Variants in CEMIP observed in about 807,000 individuals in gnomAD.
The protein encoded by CEMIP is cell migration-inducing and hyaluronan-binding protein.
In CEMIP, 105 loss-of-function variants were observed where a neutral mutation model predicts 156.9. The ratio of observed to expected loss-of-function variants is 0.67; its 90% CI spans 0.57 to 0.79. The LOEUF is 0.79. Ranked by LOEUF, CEMIP falls within the 30% of genes least tolerant of loss-of-function variation. The probability of loss-of-function intolerance (pLI) is 0.00; values close to 1 mark genes in which losing one functional copy is unlikely to be tolerated. For synonymous variants in CEMIP, 676 were observed against 668.4 expected (o/e 1.01, Z -0.17); for missense variants, 1,457 against 1,769.4 (o/e 0.82, Z 3.17).
chr15:80,810,514 C>T (rs1406725793), intron 1 of CEMIP, among the ~76,000 whole-genome samples: 3 of 152,144 alleles, frequency 2.0e-5, no homozygotes. Flanking sequence ...ACTACAGGCG[C>T]CCTCCACTGC....
chr15:80,929,195 C>T (rs1326041153), intron 21 of CEMIP, 21 bp downstream of exon 21: 1 of 1,614,014 alleles, frequency 6.2e-7, no homozygotes, highest in African/African-American at 1.3e-5. Flanking sequence ...AACCATGTAG[C>T]TCCTTATTCT....
At chr15:80,871,310 T>G (rs1330246175) in intron 1 of CEMIP, among the ~76,000 whole-genome samples, 2 of 152,212 alleles carry the variant, frequency 1.3e-5, no homozygotes, top group Non-Finnish European at 2.9e-5. Flanking sequence ...CCCAGTGGCT[T>G]AGACAGCTGG....
At position 80,874,067 on chromosome 15, in the gene CEMIP, G is replaced by GAGC; in HGVS notation, c.94+95_94+97dup. ...CTGCTTTTGGGGGAGCCAGGAGAAGGAGCCGTGGGAGTGGGTCAGGGTGCC... is the reference window on the plus strand; with the variant it reads ...CTGCTTTTGGGGGAGCCAGGAGAAGGAGCAGCCGTGGGAGTGGGTCAGGGTGCC... On this transcript the variant is annotated intron_variant, in intron 3 of 29. Coordinates refer to ENST00000394685, the MANE Select transcript of CEMIP (RefSeq NM_001293298.2). The GAGC allele has an allele frequency of 2.5e-6, 3 of 1,196,796 alleles. No individual in the cohort carries two copies. In the South Asian group the frequency reaches 3.9e-5, roughly 16 times the overall value. 74.1% of individuals were successfully genotyped at this position (1,196,796 alleles called of 1,614,324 possible).
At chr15:80,880,058 G>A (rs1452875161) in intron 5 of CEMIP, among the ~76,000 whole-genome samples, 2 of 152,212 alleles carry the variant, frequency 1.3e-5, no homozygotes, top group Non-Finnish European at 2.9e-5. Context: ...TAGTGGCCTG[G>A]ATGCTGTACT....
intron 3 of CEMIP, among the ~76,000 whole-genome samples, chr15:80,876,297 T>C (rs1898474868): frequency 6.6e-6 from 1 of 152,146 alleles, no homozygotes; most frequent in Non-Finnish European, 1.5e-5. Flanking sequence ...AAACCAGCAG[T>C]GGGTTTCACA....
At chr15:80,779,802 A>G (rs1372445113) in intron 1 of CEMIP, among the ~76,000 whole-genome samples, 188 bp downstream of exon 1, 1 of 152,136 alleles carries the variant, frequency 6.6e-6, no homozygotes, top group African/African-American at 2.4e-5. Context: ...GCGTCTGTTG[A>G]TGGGCACACG....
chr15:80,889,614 T>C (rs750796616), intron 10 of CEMIP, 22 bp downstream of exon 10: 29 of 1,613,308 alleles, frequency 1.8e-5, no homozygotes, highest in Non-Finnish European at 2.4e-5. Flanking sequence ...ACAGCAAAAA[T>C]AGAAAATAGA....
At chr15:80,876,332 G>C (rs1033016249) in intron 3 of CEMIP, among the ~76,000 whole-genome samples, 2 of 152,150 alleles carry the variant, frequency 1.3e-5, no homozygotes, top group Non-Finnish European at 2.9e-5. Flanking sequence ...ACCATCCTTG[G>C]CTGCTCAGTA....
chr15:80,781,790 T>C (rs1895805368), intron 1 of CEMIP, among the ~76,000 whole-genome samples: 1 of 152,206 alleles, frequency 6.6e-6, no homozygotes, highest in African/African-American at 2.4e-5. Flanking sequence ...ATTACAGTAA[T>C]TGGTACAATG....
rs946215803 is a variant in CEMIP, at chr15:80,840,614, G to A, written c.-175-32924G>A. On this transcript the variant is annotated intron_variant, in intron 1 of 29. Coordinates refer to ENST00000394685, the MANE Select transcript of CEMIP (RefSeq NM_001293298.2). The stretch of plus-strand genomic sequence containing the variant: ...TGAAGAAGTAAACAGGCCCGTGCAG[G>A]GGGAAACTGCAGGGGCCACACTGCT... Among the ~76,000 whole-genome samples, 11 of 152,310 alleles carry A rather than the reference G, an allele frequency of 7.2e-5. No homozygotes were observed. The East Asian group carries it at 7.7e-4, about 11-fold the overall frequency.
At chr15:80,806,987 C>A (rs1896529198) in intron 1 of CEMIP, among the ~76,000 whole-genome samples, 1 of 152,142 alleles carries the variant, frequency 6.6e-6, no homozygotes, top group East Asian at 1.9e-4. Context: ...CCTCAGCTTA[C>A]AACACAAAGC....
chr15:80,926,632 A>G (rs1286071952), intron 19 of CEMIP, among the ~76,000 whole-genome samples: 2 of 152,004 alleles, frequency 1.3e-5, no homozygotes, highest in East Asian at 3.9e-4. Context: ...GGAGAAACTG[A>G]CTTAGCATTG....
At chr15:80,884,707 AGGTC>A (rs1898777737) in intron 7 of CEMIP, among the ~76,000 whole-genome samples, 1 of 152,222 alleles carries the variant, frequency 6.6e-6, no homozygotes, top group African/African-American at 2.4e-5. Context: ...TTTGGTAAAG[AGGTC>A]ATGTCATGGC....
intron 1 of CEMIP, among the ~76,000 whole-genome samples, chr15:80,793,188 C>G (rs1896126494): frequency 6.6e-6 from 1 of 152,150 alleles, no homozygotes; most frequent in South Asian, 2.1e-4. Context: ...ATTTGAAGGG[C>G]ACAAACTCCT....
intron 1 of CEMIP, among the ~76,000 whole-genome samples, chr15:80,852,976 G>T (rs573883220): frequency 6.6e-6 from 1 of 152,308 alleles, no homozygotes; most frequent in South Asian, 2.1e-4. Flanking sequence ...AGCCTGCACA[G>T]CTCACTCCTG....
In CEMIP at chr15:80,821,447, G is replaced by T. The variant is rs148341324; in HGVS notation, c.-176+41833G>T. Among the ~76,000 whole-genome samples, 53 of 152,324 alleles carry T rather than the reference G, an allele frequency of 3.5e-4. No homozygotes were observed. The East Asian group carries it at 9.8e-3, about 28-fold the overall frequency. On this transcript the variant is annotated intron_variant, in intron 1 of 29. Coordinates refer to ENST00000394685, the MANE Select transcript of CEMIP (RefSeq NM_001293298.2). Reference sequence around the variant, plus strand: ...GGTGCTTTCTAGGAAGATAGTTCTGGCAACTACGTGGATTGGGTAGAAGCA... The same window carrying T: ...GGTGCTTTCTAGGAAGATAGTTCTGTCAACTACGTGGATTGGGTAGAAGCA...
At chr15:80,829,408 C>G (rs140696757) in intron 1 of CEMIP, among the ~76,000 whole-genome samples, 1 of 152,208 alleles carries the variant, frequency 6.6e-6, no homozygotes, top group African/African-American at 2.4e-5. Context: ...CCCTGTCACA[C>G]GGTTCCTCAT....
At chr15:80,795,639 A>G (rs570585306) in intron 1 of CEMIP, among the ~76,000 whole-genome samples, 3 of 152,306 alleles carry the variant, frequency 2.0e-5, no homozygotes, top group South Asian at 2.1e-4. Context: ...GGAGTTATTC[A>G]TTGCTCTTGA....
At chr15:80,887,329 C>T (rs1265727561) in intron 7 of CEMIP, among the ~76,000 whole-genome samples, 1 of 152,152 alleles carries the variant, frequency 6.6e-6, no homozygotes, top group Non-Finnish European at 1.5e-5. Context: ...AACATGTTTT[C>T]CTGAAGGTAT....
Sources: gnomAD v4.1 joint callset for allele counts (sites outside exome capture counted in the v4.1 genomes callset) on GRCh38, gnomAD v4.1.1 for gene constraint, MANE v1.5 for transcripts, NCBI Gene and HGNC (gene_info 2026-07-23, HGNC 2026-07-21) for gene names.